The following KEL variants were observed in gnomAD, a reference collection of about 807,000 sequenced individuals.
KEL encodes the protein kell blood group glycoprotein.
Under a neutral mutation model 99.5 loss-of-function variants are expected in KEL, and 96 were observed. The ratio of observed to expected loss-of-function variants is 0.97; its 90% CI spans 0.82 to 1.14. The LOEUF is 1.14. Among genes scored for constraint, KEL ranks in the 50% most tolerant of loss-of-function variants. The pLI, the probability that KEL is intolerant of heterozygous loss-of-function variation, is 0.00. For missense variants in KEL, 926 were observed against 924.2 expected (o/e 1.00, Z -0.03); for synonymous variants, 355 against 354.8 (o/e 1.00, Z -0.01).
intron 10 of KEL, among the ~76,000 whole-genome samples, chr7:142,948,013 G>A (rs547652988): frequency 8.0e-4 from 122 of 152,336 alleles, no homozygotes; most frequent in African/African-American, 2.8e-3. Context: ...GTTGCTACAT[G>A]TGGAGCAGCA....
At chr7:142,947,315 A>T (rs1473083585) in intron 10 of KEL, among the ~76,000 whole-genome samples, 2 of 152,134 alleles carry the variant, frequency 1.3e-5, no homozygotes. Context: ...CCCACGGGGA[A>T]GGTAGGAAGG....
chr7:142,949,627 A>G (rs1586257868), intron 10 of KEL, among the ~76,000 whole-genome samples: 1 of 152,238 alleles, frequency 6.6e-6, no homozygotes, highest in Non-Finnish European at 1.5e-5. Flanking sequence ...CCTGAAGTAC[A>G]CTAGGTTCTC....
chr7:142,942,381 A>C, intron 18 of KEL, 53 bp downstream of exon 18: 2 of 1,246,416 alleles, frequency 1.6e-6, no homozygotes, highest in Non-Finnish European at 2.3e-6. Context: ...CTTCAGTAAT[A>C]AGGCGTTCAA....
intron 6 of KEL, among the ~76,000 whole-genome samples, chr7:142,957,450 C>A (rs8175979): frequency 9.2e-5 from 14 of 152,146 alleles, no homozygotes; most frequent in African/African-American, 3.4e-4. Context: ...CACTGACAAG[C>A]ATTTAAATAC....
At chr7:142,953,122 C>T (rs1226943878) in intron 9 of KEL, among the ~76,000 whole-genome samples, 2 of 152,270 alleles carry the variant, frequency 1.3e-5, no homozygotes, top group East Asian at 3.9e-4. Context: ...ATGCTGCTGC[C>T]ACCATGAAGA....
Position 142,953,726 on chromosome 7 carries a change from A to C in KEL, c.1073+82T>G. 1.9e-6 allele frequency: 3 copies of C among 1,548,146 alleles called. No individual in the cohort carries two copies. In the South Asian group the frequency reaches 3.3e-5, roughly 17 times the overall value. Reference sequence around the variant, plus strand: ...AGGCCCTTACCAGCCTGCCTTCCCCAAGGTTTCCTTTGCCCCCAAGATCTA... The same window carrying C: ...AGGCCCTTACCAGCCTGCCTTCCCCCAGGTTTCCTTTGCCCCCAAGATCTA... On this transcript the variant is annotated intron_variant, in intron 9 of 18. Transcript: ENST00000355265.
intron 6 of KEL, among the ~76,000 whole-genome samples, chr7:142,957,008 G>A (rs563772189): frequency 6.6e-5 from 10 of 152,270 alleles, no homozygotes; most frequent in Admixed American, 3.3e-4. Flanking sequence ...GCCTGGCCCT[G>A]TGATAGGTCC....
chr7:142,958,179 C>T (rs1355790906), intron 5 of KEL, 125 bp downstream of exon 5: 2 of 1,426,560 alleles, frequency 1.4e-6, no homozygotes, highest in East Asian at 4.6e-5. Flanking sequence ...TCTCCATCTC[C>T]CTCCTAGAAA....
chr7:142,946,407 G>C, intron 10 of KEL, 90 bp from the exon 11 acceptor site: 1 of 1,071,144 alleles, frequency 9.3e-7, no homozygotes, highest in Non-Finnish European at 1.4e-6. Context: ...CATTCCCAGA[G>C]GGTGCTCTTT....
intron 2 of KEL, 30 bp from the exon 3 acceptor site, chr7:142,961,531 C>G (rs372545016): frequency 6.3e-7 from 1 of 1,575,646 alleles, no homozygotes; most frequent in Non-Finnish European, 8.6e-7. Flanking sequence ...GTGAAAGATA[C>G]AAGATGGGGG....
chr7:142,948,002 A>G (rs1237252205), intron 10 of KEL, among the ~76,000 whole-genome samples: 1 of 152,248 alleles, frequency 6.6e-6, no homozygotes, highest in Non-Finnish European at 1.5e-5. Context: ...CTTACCAGAC[A>G]GTTGCTACAT....
rs560683166 is a variant in KEL, at chr7:142,956,488, A to G, written c.672+1339T>C. 3.3e-5 allele frequency among the ~76,000 whole-genome samples: 5 copies of G among 151,468 alleles called. No homozygotes were observed. The South Asian group carries it at 1.0e-3, about 32-fold the overall frequency. ...ATGTTTCACCTTCGCCTGGCTTCTT[A>G]GAAATAATCAGGCTCAACCTTATGT... is the stretch of plus-strand genomic sequence containing the variant. On this transcript the variant is annotated intron_variant, in intron 6 of 18. Transcript: ENST00000355265.
rs907439672 is a variant in KEL, at chr7:142,941,421, G to A, written c.2038-8C>T. 2 of 1,581,142 alleles carry A rather than the reference G, an allele frequency of 1.3e-6. No individual in the cohort carries two copies. The highest frequency in any genetic ancestry group is 2.7e-5 in the African/African-American group (2 of 74,102). Reference sequence around the variant, plus strand: ...GGGCTTCCTACACATCACCTGAGCAGGAAGAGAGGTCATTGAAGGGGGAGG... The same window carrying A: ...GGGCTTCCTACACATCACCTGAGCAAGAAGAGAGGTCATTGAAGGGGGAGG... On this transcript the variant is annotated splice_region_variant and splice_polypyrimidine_tract_variant and intron_variant, in intron 18 of 18. Transcript: ENST00000355265.
chr7:142,942,822 A>G, intron 17 of KEL, 53 bp downstream of exon 17: 1 of 1,603,204 alleles, frequency 6.2e-7, no homozygotes. Flanking sequence ...ACTTGAGGAC[A>G]TGTTTTCTAG....
At chr7:142,954,012 G>A in intron 8 of KEL, 56 bp from the exon 9 acceptor site, 1 of 1,593,534 alleles carries the variant, frequency 6.3e-7, no homozygotes, top group Non-Finnish European at 8.6e-7. Context: ...GAAGGGGAAA[G>A]GGCTTCCCCT....
chr7:142,945,335 T>C (rs1385880882), intron 11 of KEL, among the ~76,000 whole-genome samples: 2 of 152,232 alleles, frequency 1.3e-5, no homozygotes, highest in Non-Finnish European at 2.9e-5. Flanking sequence ...GTTCAAACCC[T>C]GTCTCTGCTT....
In KEL at chr7:142,962,359, G is replaced by T; in HGVS notation, c.-153C>A. 1.2e-6 allele frequency: 1 copy of T among 855,280 alleles called. No individual in the cohort carries two copies. Among genetic ancestry groups the T allele is most frequent in the Non-Finnish European group, 1.9e-6 (1 of 513,176 alleles). 53.0% of individuals were successfully genotyped at this position (855,280 alleles called of 1,614,324 possible). A position where few individuals can be genotyped will look rare whatever the true frequency, so the allele number is the denominator to read the frequency against. The stretch of plus-strand genomic sequence containing the variant: ...CTTTCGCCTTGTCCCCAGACACACA[G>T]GACTGGCCTCTGGGTGGAGCCTGCT... On this transcript the variant is annotated 5_prime_UTR_variant, in exon 1 of 19. The change creates a new upstream start codon in the 5' untranslated region. Transcript: ENST00000355265.
chr7:142,957,727 G>C (rs1562963980), intron 6 of KEL, 100 bp downstream of exon 6: 1 of 1,422,006 alleles, frequency 7.0e-7, no homozygotes, highest in African/African-American at 1.4e-5. Context: ...TATCACACAG[G>C]TGTCCTCTCT....
At chr7:142,961,536 T>C in intron 2 of KEL, 35 bp from the exon 3 acceptor site, 1 of 1,573,338 alleles carries the variant, frequency 6.4e-7, no homozygotes, top group Non-Finnish European at 8.6e-7. Context: ...AGATACAAGA[T>C]GGGGGTTGAG....
Sources: allele counts gnomAD v4.1 joint callset (sites outside exome capture counted in the v4.1 genomes callset), GRCh38; gene constraint gnomAD v4.1.1; transcripts MANE v1.5; gene names NCBI Gene and HGNC (gene_info 2026-07-23, HGNC 2026-07-21).